The following TNFSF4 variants were observed in gnomAD, a reference collection of about 807,000 sequenced individuals.
The protein encoded by TNFSF4 is TNF superfamily member 4, also known as tumor necrosis factor ligand superfamily member 4.
In TNFSF4, 4 loss-of-function variants were observed where a neutral mutation model predicts 7.3. That is an observed-to-expected ratio of 0.55 (90% CI 0.27 to 1.25). The LOEUF (loss-of-function observed/expected upper bound fraction) is 1.25. TNFSF4 is among the 50% of genes most tolerant of loss of function. The probability of loss-of-function intolerance (pLI) is 0.12; values close to 1 mark genes in which losing one functional copy is unlikely to be tolerated. For missense variants in TNFSF4, 181 were observed against 208.8 expected (o/e 0.87, Z 0.82); for synonymous variants, 76 against 83.7 (o/e 0.91, Z 0.50).
At chr1:173,304,734 A>G in the TNFSF4 span, among the ~76,000 whole-genome samples, 2 of 152,072 alleles carry the variant, frequency 1.3e-5, no homozygotes, top group African/African-American at 2.4e-5. Context: ...AAGTGCCCTC[A>G]TGGCATGGAA....
the TNFSF4 span, among the ~76,000 whole-genome samples, chr1:173,366,900 A>C: frequency 4.6e-4 from 70 of 152,380 alleles, no homozygotes; most frequent in African/African-American, 1.6e-3. Context: ...TGCCTAAAAA[A>C]TAAATTCCTG....
At chr1:173,238,499 A>C in the TNFSF4 span, among the ~76,000 whole-genome samples, 1 of 149,294 alleles carries the variant, frequency 6.7e-6, no homozygotes, top group Non-Finnish European at 1.5e-5. Flanking sequence ...AATATCTGCA[A>C]ACTCTACATC....
chr1:173,201,087 G>A (rs1367570142), intron 1 of TNFSF4, among the ~76,000 whole-genome samples: 1 of 152,138 alleles, frequency 6.6e-6, no homozygotes, highest in Non-Finnish European at 1.5e-5. Flanking sequence ...TGCCTTATTT[G>A]GTAGCCAAGT....
the TNFSF4 span, among the ~76,000 whole-genome samples, chr1:173,344,148 C>A: frequency 5.9e-5 from 9 of 152,276 alleles, no homozygotes; most frequent in South Asian, 1.7e-3. Flanking sequence ...CTAAATAAGT[C>A]ATGATCTCTC....
intron 1 of TNFSF4, among the ~76,000 whole-genome samples, chr1:173,201,922 C>T (rs1031395174): frequency 3.3e-5 from 5 of 152,042 alleles, no homozygotes; most frequent in African/African-American, 9.7e-5. Context: ...CCTCATTAAA[C>T]AGTAATAACA....
chr1:173,290,753 C>G, the TNFSF4 span, among the ~76,000 whole-genome samples: 1 of 152,270 alleles, frequency 6.6e-6, no homozygotes, highest in African/African-American at 2.4e-5. Context: ...CTACAGAATA[C>G]TCCACCCAAC....
chr1:173,328,010 A>G, the TNFSF4 span, among the ~76,000 whole-genome samples: 1 of 152,192 alleles, frequency 6.6e-6, no homozygotes, highest in African/African-American at 2.4e-5. Context: ...CTGGGTATAT[A>G]CCCAAAGGAT....
the TNFSF4 span, among the ~76,000 whole-genome samples, chr1:173,342,453 A>G: frequency 6.6e-6 from 1 of 152,194 alleles, no homozygotes; most frequent in Non-Finnish European, 1.5e-5. Context: ...TATTTTCCCA[A>G]CAGTGGAAAT....
At chr1:173,370,155 A>T in the TNFSF4 span, among the ~76,000 whole-genome samples, 2 of 152,190 alleles carry the variant, frequency 1.3e-5, no homozygotes. Flanking sequence ...CTTTCAGATG[A>T]TCCTGATAGA....
chr1:173,354,493 G>T, the TNFSF4 span, among the ~76,000 whole-genome samples: 2 of 151,886 alleles, frequency 1.3e-5, no homozygotes, highest in South Asian at 4.1e-4. Context: ...TATTTTATGA[G>T]GCCAGCATCA....
chr1:173,198,061 T>C (rs960472019), intron 1 of TNFSF4, among the ~76,000 whole-genome samples: 2 of 152,198 alleles, frequency 1.3e-5, no homozygotes, highest in Admixed American at 6.5e-5. Flanking sequence ...CATTCATCCT[T>C]GAATACAAAG....
At chr1:173,322,841 G>C in the TNFSF4 span, among the ~76,000 whole-genome samples, 20 of 152,266 alleles carry the variant, frequency 1.3e-4, no homozygotes, top group African/African-American at 4.3e-4. Context: ...GCTTGGGGAG[G>C]GGCGCCCACC....
At chr1:173,190,783 C>T (rs958284206) in intron 1 of TNFSF4, among the ~76,000 whole-genome samples, 10 of 152,230 alleles carry the variant, frequency 6.6e-5, no homozygotes, top group Non-Finnish European at 1.3e-4. Flanking sequence ...AAGAAGCCCT[C>T]TGTGGAGTAG....
chr1:173,443,231 T>C, the TNFSF4 span, among the ~76,000 whole-genome samples: 1 of 152,224 alleles, frequency 6.6e-6, no homozygotes, highest in Non-Finnish European at 1.5e-5. Context: ...CTAAGGATTC[T>C]ATGGCTGAAA....
At chr1:173,254,925 C>T in the TNFSF4 span, among the ~76,000 whole-genome samples, 1 of 152,294 alleles carries the variant, frequency 6.6e-6, no homozygotes, top group South Asian at 2.1e-4. Flanking sequence ...AAGAACAAAT[C>T]TTTGCCCACA....
the TNFSF4 span, among the ~76,000 whole-genome samples, chr1:173,425,346 G>A: frequency 6.6e-6 from 1 of 152,122 alleles, no homozygotes; most frequent in Non-Finnish European, 1.5e-5. Context: ...ACTGGCTAGG[G>A]GGTCATTTAG....
At chr1:173,448,253 G>A in the TNFSF4 span, among the ~76,000 whole-genome samples, 106 of 152,260 alleles carry the variant, frequency 7.0e-4, 1 homozygote, top group Non-Finnish European at 1.0e-3. Context: ...ACAACGTTAT[G>A]TCCAGTTGAC....
chr1:173,432,888 T>C, the TNFSF4 span, among the ~76,000 whole-genome samples: 4 of 152,228 alleles, frequency 2.6e-5, no homozygotes, highest in African/African-American at 9.6e-5. Flanking sequence ...ATTACTGTAT[T>C]TGCTATTAAG....
chr1:173,255,034 G>A, the TNFSF4 span, among the ~76,000 whole-genome samples: 3 of 152,116 alleles, frequency 2.0e-5, no homozygotes, highest in Admixed American at 2.0e-4. Context: ...TTAGTGGTCT[G>A]AGAAGTTGCT....
Sources: allele counts gnomAD v4.1 joint callset (sites outside exome capture counted in the v4.1 genomes callset), GRCh38; gene constraint gnomAD v4.1.1; transcripts MANE v1.5; gene names NCBI Gene and HGNC (gene_info 2026-07-23, HGNC 2026-07-21).